Variants in ANO3 observed in about 807,000 individuals in gnomAD.
ANO3 encodes the protein anoctamin 3.
Under a neutral mutation model 144.8 loss-of-function variants are expected in ANO3, and 99 were observed. The ratio of observed to expected loss-of-function variants is 0.68; its 90% CI spans 0.58 to 0.81. The LOEUF (loss-of-function observed/expected upper bound fraction) is 0.81, where lower values mean the gene tolerates loss of function less well. Among genes scored for constraint, ANO3 ranks in the 30% least tolerant of loss-of-function variants. The probability of loss-of-function intolerance (pLI) is 0.00; values close to 1 mark genes in which losing one functional copy is unlikely to be tolerated. For missense variants in ANO3, 905 were observed against 1,202.2 expected (o/e 0.75, Z 3.66); for synonymous variants, 414 against 392.6 (o/e 1.05, Z -0.64).
At chr11:26,333,498 G>A (rs1433251268) in intron 1 of ANO3, among the ~76,000 whole-genome samples, 2 of 152,026 alleles carry the variant, frequency 1.3e-5, no homozygotes, top group Non-Finnish European at 2.9e-5. Flanking sequence ...TAGCCAGGAT[G>A]GCCTCCATCT....
chr11:26,519,185 T>C (rs1861971939), intron 6 of ANO3, among the ~76,000 whole-genome samples: 1 of 152,186 alleles, frequency 6.6e-6, no homozygotes, highest in South Asian at 2.1e-4. Context: ...CCTTAGCAAC[T>C]ATCATAAGCA....
chr11:26,456,915 G>A (rs1403294777), intron 3 of ANO3, among the ~76,000 whole-genome samples: 1 of 149,534 alleles, frequency 6.7e-6, no homozygotes, highest in African/African-American at 2.5e-5. Flanking sequence ...ATGAGTTCAT[G>A]TCCTTTGTAG....
intron 12 of ANO3, among the ~76,000 whole-genome samples, chr11:26,548,385 C>T (rs948588531): frequency 6.6e-6 from 1 of 151,860 alleles, no homozygotes; most frequent in Non-Finnish European, 1.5e-5. Flanking sequence ...TCAACTTTGA[C>T]TTTGTATGGT....
At chr11:26,642,503 G>C (rs4317942) in intron 22 of ANO3, among the ~76,000 whole-genome samples, 57,103 of 151,176 alleles carry the variant, frequency 0.38, 11,640 homozygotes, top group South Asian at 0.49. Flanking sequence ...AGGTGCACAT[G>C]ACCATGCCTG....
chr11:26,303,621 T>C (rs139699992), intron 1 of ANO3, among the ~76,000 whole-genome samples: 3,068 of 152,282 alleles, frequency 0.02, 92 homozygotes, highest in African/African-American at 0.066. Flanking sequence ...GCTGATGGGA[T>C]CATCCATATC....
chr11:26,327,504 A>G (rs1329563439), upstream of ANO3, among the ~76,000 whole-genome samples: 2 of 152,126 alleles, frequency 1.3e-5, no homozygotes, highest in Non-Finnish European at 2.9e-5. Context: ...TTCCCAGTGG[A>G]GAAAACAGCA....
chr11:26,589,697 A>G (rs766227947), intron 14 of ANO3, among the ~76,000 whole-genome samples: 5 of 152,132 alleles, frequency 3.3e-5, no homozygotes, highest in Non-Finnish European at 5.9e-5. Context: ...ACAATATGTG[A>G]GCAGATCATA....
intron 7 of ANO3, among the ~76,000 whole-genome samples, chr11:26,530,455 G>GTCTA (rs765413221): frequency 1.5e-4 from 19 of 130,352 alleles, no homozygotes; most frequent in African/African-American, 5.9e-4. Flanking sequence ...TCATCTATCT[G>GTCTA]TCTGTCTATC....
At chr11:26,191,335 T>TAC (rs746463223) in intron 1 of ANO3, among the ~76,000 whole-genome samples, 14,191 of 144,096 alleles carry the variant, frequency 0.098, 736 homozygotes, top group Non-Finnish European at 0.13. Flanking sequence ...TATACACACA[T>TAC]ACACACACAC....
chr11:26,319,102 A>G (rs1409460892), intron 1 of ANO3, among the ~76,000 whole-genome samples: 2 of 151,772 alleles, frequency 1.3e-5, no homozygotes, highest in Admixed American at 6.6e-5. Context: ...TCAGCCTCCA[A>G]CGTAGCTGGA....
chr11:26,435,235 G>A (rs1214907912), intron 1 of ANO3, among the ~76,000 whole-genome samples: 2 of 152,128 alleles, frequency 1.3e-5, no homozygotes, highest in Non-Finnish European at 2.9e-5. Flanking sequence ...CTTTAAGAAT[G>A]TGAATACAGG....
intron 1 of ANO3, among the ~76,000 whole-genome samples, chr11:26,238,521 G>T (rs577223060): frequency 4.6e-5 from 7 of 152,104 alleles, no homozygotes; most frequent in Non-Finnish European, 7.4e-5. Context: ...AAAAACAATT[G>T]CATGTACATT....
intron 12 of ANO3, among the ~76,000 whole-genome samples, chr11:26,552,433 C>T (rs1023510040): frequency 6.6e-6 from 1 of 151,972 alleles, no homozygotes; most frequent in African/African-American, 2.4e-5. Flanking sequence ...AAATTCCTTT[C>T]AACATTTCTA....
At chr11:26,452,392 G>C (rs2134039941) in intron 3 of ANO3, among the ~76,000 whole-genome samples, 1 of 152,290 alleles carries the variant, frequency 6.6e-6, no homozygotes. Context: ...TAAAGGAGCT[G>C]ATGGAGCTGA....
intron 13 of ANO3, among the ~76,000 whole-genome samples, chr11:26,557,705 A>C (rs147620395): frequency 1.4e-4 from 21 of 152,242 alleles, no homozygotes; most frequent in African/African-American, 5.1e-4. Context: ...GTTATCACTT[A>C]ATTCTTCTGT....
At chr11:26,321,547 A>G (rs1414934373) in intron 1 of ANO3, among the ~76,000 whole-genome samples, 1 of 152,000 alleles carries the variant, frequency 6.6e-6, no homozygotes, top group Non-Finnish European at 1.5e-5. Context: ...ATCTATTTTA[A>G]TAAAACAAGT....
chr11:26,509,377 G>A (rs938367697), intron 5 of ANO3, among the ~76,000 whole-genome samples: 7 of 151,706 alleles, frequency 4.6e-5, no homozygotes, highest in African/African-American at 9.7e-5. Flanking sequence ...GAGCAGTGGC[G>A]CGATCTTGGC....
At chr11:26,252,662 C>A (rs532139137) in intron 1 of ANO3, among the ~76,000 whole-genome samples, 1 of 152,262 alleles carries the variant, frequency 6.6e-6, no homozygotes, top group East Asian at 1.9e-4. Flanking sequence ...ATCCCTCTCC[C>A]CCAACATAAA....
At chr11:26,304,674 T>C (rs1854329313), upstream of ANO3, among the ~76,000 whole-genome samples, 1 of 152,146 alleles carries the variant, frequency 6.6e-6, no homozygotes. Context: ...AACCACCTCA[T>C]TTTTTACTAG....
Sources: allele counts gnomAD v4.1 joint callset (sites outside exome capture counted in the v4.1 genomes callset), GRCh38; gene constraint gnomAD v4.1.1; transcripts MANE v1.5; gene names NCBI Gene and HGNC (gene_info 2026-07-23, HGNC 2026-07-21).